Variants in FAM193B observed in about 807,000 individuals in gnomAD.
FAM193B encodes the protein protein FAM193B.
A neutral mutation model predicts 70.7 loss-of-function variants in FAM193B; 27 were observed. The observed-to-expected ratio is 0.38, with a 90% CI of 0.28 to 0.53. The LOEUF is 0.53. FAM193B is among the 20% of genes least tolerant of loss of function. The pLI is 0.81. For missense variants in FAM193B, 1,022 were observed against 1,072.5 expected, an observed-to-expected ratio of 0.95 and a Z score of 0.66; for synonymous variants, 448 against 436.0, an observed-to-expected ratio of 1.03 and a Z score of -0.34.
chr5:177,527,500 G>C (rs1388984384), intron 5 of FAM193B, among the ~76,000 whole-genome samples: 1 of 152,228 alleles, frequency 6.6e-6, no homozygotes, highest in Non-Finnish European at 1.5e-5. Context: ...AAAAGTCAGA[G>C]AAACATTGAT....
chr5:177,544,228 T>C lies in FAM193B; in HGVS notation c.211-5081A>G, dbSNP rs535219049. 9.5e-4 allele frequency among the ~76,000 whole-genome samples: 144 copies of C among 152,348 alleles called. 2 individuals are homozygous for C. Among genetic ancestry groups the C allele is most frequent in the Middle Eastern group, 3.4e-3 (1 of 294 alleles). ...AGCAGTGAAGGGGCCAAGTGAGCTC[T>C]AGGTGCACTCTAGGGCCTAGGGGGC... On this transcript the variant is annotated intron_variant, in intron 1 of 8. Coordinates refer to ENST00000514747, the MANE Select transcript of FAM193B (RefSeq NM_001190946.3).
rs1763683536 is a variant in FAM193B at position 177,532,806 on chromosome 5, C to T, written c.1077-165G>A. Among the ~76,000 whole-genome samples the T allele has an allele frequency of 6.6e-6, 1 of 152,222 alleles. No homozygotes were observed. Among genetic ancestry groups the T allele is most frequent in the East Asian group, 1.9e-4 (1 of 5,198 alleles). ...CCTCTCACCTGAACAGGGCGAACAC[C>T]TGCACTGTCCCTCAAGGCCCATCCC... On this transcript the variant is annotated intron_variant, in intron 4 of 8. Transcript: ENST00000514747. The surrounding 1 kb of genome is among the most constrained non-coding windows in gnomAD (Gnocchi z 4.9).
In FAM193B at chr5:177,538,819, G is replaced by A. The variant is rs1464414671; in HGVS notation, c.453+86C>T. On this transcript the variant is annotated intron_variant, in intron 2 of 8. Coordinates refer to ENST00000514747, the MANE Select transcript of FAM193B (RefSeq NM_001190946.3). This position sits in a 1 kb window ranked among gnomAD's most constrained non-coding sequence, Gnocchi z 4.1. ...TGCCTGGGCATGGGAGCTGCCCAAG[G>A]AGAGCCACCTGAGGACAGGGAACAG... 1.7e-5 allele frequency: 26 copies of A among 1,558,760 alleles called. 1 individual carries two copies. In the South Asian group the frequency reaches 2.9e-4, roughly 17 times the overall value.
At chr5:177,545,994 C>T (rs1765381372) in intron 1 of FAM193B, among the ~76,000 whole-genome samples, 1 of 152,156 alleles carries the variant, frequency 6.6e-6, no homozygotes, top group Non-Finnish European at 1.5e-5. Flanking sequence ...TCTCTGTCAC[C>T]AAGGCAGGCA....
intron 1 of FAM193B, chr5:177,553,487 G>C: frequency 1.8e-6 from 2 of 1,109,496 alleles, no homozygotes; most frequent in South Asian, 4.1e-5. Context: ...AGTGAACTTT[G>C]GCAGGGTACC....
At chr5:177,548,625 T>G (rs1472410463) in intron 1 of FAM193B, among the ~76,000 whole-genome samples, 1 of 152,078 alleles carries the variant, frequency 6.6e-6, no homozygotes, top group African/African-American at 2.4e-5. Flanking sequence ...AATAGATACC[T>G]GGGATCCAGA....
chr5:177,553,222 T>C, intron 1 of FAM193B: 1 of 985,950 alleles, frequency 1.0e-6, no homozygotes, highest in East Asian at 1.1e-4. Context: ...GCCTTCTGGC[T>C]GCACCAGCCT....
chr5:177,537,039 A>G (rs1358135979), intron 3 of FAM193B, among the ~76,000 whole-genome samples: 1 of 152,164 alleles, frequency 6.6e-6, no homozygotes, highest in East Asian at 1.9e-4. Flanking sequence ...TCTCTCTAGG[A>G]TCTGCTTGTA....
chr5:177,549,368 T>C (rs1235731825), intron 1 of FAM193B, among the ~76,000 whole-genome samples: 3 of 152,052 alleles, frequency 2.0e-5, no homozygotes, highest in Non-Finnish European at 2.9e-5. Flanking sequence ...AATTTTTTTG[T>C]ATTTTTAGTA....
intron 1 of FAM193B, among the ~76,000 whole-genome samples, chr5:177,550,124 G>T (rs1341972101): frequency 1.3e-5 from 2 of 152,010 alleles, no homozygotes; most frequent in African/African-American, 2.4e-5. Flanking sequence ...AGGATAGCCT[G>T]GGCAACATAG....
At chr5:177,545,636 G>T (rs1426646111) in intron 1 of FAM193B, among the ~76,000 whole-genome samples, 2 of 145,848 alleles carry the variant, frequency 1.4e-5, no homozygotes, top group African/African-American at 5.2e-5. Context: ...ACTCCAAACT[G>T]GGTAACAGTG....
chr5:177,545,583 C>T (rs74390156), intron 1 of FAM193B, among the ~76,000 whole-genome samples: 1,880 of 151,132 alleles, frequency 0.012, 28 homozygotes, highest in Non-Finnish European at 0.017. Flanking sequence ...ATTGCTCAAG[C>T]CCAAGTGACG....
intron 1 of FAM193B, among the ~76,000 whole-genome samples, chr5:177,543,858 A>G (rs548633444): frequency 2.5e-4 from 38 of 152,382 alleles, no homozygotes; most frequent in Non-Finnish European, 4.7e-4. Context: ...CACCTGGCAC[A>G]GTATTCCTAC....
At chr5:177,537,134 C>G (rs1764272410) in intron 3 of FAM193B, among the ~76,000 whole-genome samples, 1 of 152,162 alleles carries the variant, frequency 6.6e-6, no homozygotes, top group African/African-American at 2.4e-5. Context: ...CCACGTGTAC[C>G]ACAGCAGCAG....
rs1348228672 is a variant in FAM193B at position 177,524,386 on chromosome 5, C to T, written c.2095G>A (p.Gly699Arg). The T allele has an allele frequency of 1.9e-6, 3 of 1,573,106 alleles. No individual in the cohort carries two copies. The highest frequency in any genetic ancestry group is 3.8e-5 in the Admixed American group (2 of 53,228). The change falls in exon 6 of 9, where the codon GGA becomes AGA. Residue 699 changes from glycine (G) to arginine (R), a missense_variant. By Grantham distance (125) the Gly-to-Arg change is moderately radical. Transcript: ENST00000514747. Reference protein sequence around the residue: ...AGEGSRGSRPGPGWAGSPKTE... With the variant: ...AGEGSRGSRPRPGWAGSPKTE... Reference sequence around the variant, plus strand: ...TTGGGACTGCCAGCCCAACCTGGTCCTGGCCGGCTCCCCCGGCTCCCCTCT... The same window carrying T: ...TTGGGACTGCCAGCCCAACCTGGTCTTGGCCGGCTCCCCCGGCTCCCCTCT...
chr5:177,545,067 G>A (rs1765250519), intron 1 of FAM193B, among the ~76,000 whole-genome samples: 1 of 151,920 alleles, frequency 6.6e-6, no homozygotes, highest in Non-Finnish European at 1.5e-5. Flanking sequence ...TTTTTAAGAT[G>A]AAATCTCGCT....
chr5:177,531,717 AG>A, intron 5 of FAM193B: 1 of 619,688 alleles, frequency 1.6e-6, no homozygotes, highest in South Asian at 2.0e-5. Context: ...AGGAGGGAAC[AG>A]GGCAGAGCTG....
chr5:177,536,773 C>A, intron 3 of FAM193B, 28 bp from the exon 4 acceptor site: 1 of 1,544,076 alleles, frequency 6.5e-7, no homozygotes, highest in South Asian at 1.2e-5. Flanking sequence ...AGAAAGGGGT[C>A]AGAATGGGAG....
rs747399355 is a variant in FAM193B, at chr5:177,525,011, G to C, written c.1470C>G (p.Phe490Leu). 2.6e-6 allele frequency: 4 copies of C among 1,544,644 alleles called. No homozygotes were observed. Among genetic ancestry groups the C allele is most frequent in the Middle Eastern group, 1.8e-4 (1 of 5,710 alleles). ...NTVKDSIRAS[F>L]SVCELSMDSN... ...TGTCCATGCTGAGCTCACACACACT[G>C]AAGCTGGCACGGATGGAGTCTTTGA... The change falls in exon 6 of 9, where the codon TTC (phenylalanine) becomes TTG (leucine). Residue 490 changes from phenylalanine to leucine, a missense_variant. Physicochemically the swap from Phe to Leu is conservative, Grantham distance 22. Coordinates refer to ENST00000514747, the MANE Select transcript of FAM193B (RefSeq NM_001190946.3).
Sources: gnomAD v4.1 joint callset for allele counts (sites outside exome capture counted in the v4.1 genomes callset) on GRCh38, gnomAD v4.1.1 for gene constraint, Gnocchi (gnomAD v3.1) non-coding constraint, MANE v1.5 for transcripts, NCBI Gene and HGNC (gene_info 2026-07-23, HGNC 2026-07-21) for gene names.